The following ATAD5 variants were observed in gnomAD, a reference collection of about 807,000 sequenced individuals.
The protein encoded by ATAD5 is ATPase family AAA domain-containing protein 5.
In ATAD5, 58 loss-of-function variants were observed where a neutral mutation model predicts 176.9. The ratio of observed to expected loss-of-function variants is 0.33; its 90% CI spans 0.27 to 0.41. The LOEUF (loss-of-function observed/expected upper bound fraction) is 0.41, where lower values mean the gene tolerates loss of function less well. Among genes scored for constraint, ATAD5 ranks in the 10% least tolerant of loss-of-function variants. The pLI is 1.00. For synonymous variants in ATAD5, 640 were observed against 712.6 expected, an observed-to-expected ratio of 0.90 and a Z score of 1.62; for missense variants, 1,789 against 2,094.1, an observed-to-expected ratio of 0.85 and a Z score of 2.84.
At chr17:30,878,790 G>A (rs970465207) in intron 17 of ATAD5, among the ~76,000 whole-genome samples, 2 of 128,226 alleles carry the variant, frequency 1.6e-5, no homozygotes, top group Non-Finnish European at 3.1e-5. Context: ...GGAGTGCAAT[G>A]GTACCATCTT....
intron 14 of ATAD5, among the ~76,000 whole-genome samples, chr17:30,873,014 A>T (rs1007710843): frequency 2.0e-5 from 3 of 150,990 alleles, no homozygotes; most frequent in African/African-American, 7.3e-5. Flanking sequence ...GCATCATGAC[A>T]AAAGTCTTGA....
intron 9 of ATAD5, 24 bp downstream of exon 9, chr17:30,858,347 AT>A (rs1270812915): frequency 7.2e-7 from 1 of 1,383,566 alleles, no homozygotes; most frequent in Non-Finnish European, 9.5e-7. Flanking sequence ...ATTATCATTT[AT>A]GTTAACATAC....
At chr17:30,874,548 CA>C (rs1298663817) in intron 14 of ATAD5, among the ~76,000 whole-genome samples, 1,061 of 70,184 alleles carry the variant, frequency 0.015, 19 homozygotes, top group African/African-American at 0.05. Context: ...TCAAAAGAAA[CA>C]AAAAAAAAAA....
chr17:30,850,478 A>C (rs985059922), intron 6 of ATAD5, among the ~76,000 whole-genome samples: 1 of 151,094 alleles, frequency 6.6e-6, no homozygotes, highest in Non-Finnish European at 1.5e-5. Context: ...CTGCCATCTC[A>C]GCCCCTCAAA....
chr17:30,894,289 G>A (rs1909800392), intron 21 of ATAD5, 139 bp downstream of exon 21: 2 of 808,168 alleles, frequency 2.5e-6, no homozygotes, highest in Non-Finnish European at 3.7e-6. Flanking sequence ...CTTCTAATGA[G>A]ATAGCTAAAG....
chr17:30,837,117 C>T, intron 2 of ATAD5, 89 bp from the exon 3 acceptor site: 2 of 737,852 alleles, frequency 2.7e-6, no homozygotes, highest in Non-Finnish European at 2.1e-6. Context: ...GATGCCACTG[C>T]ACCAGCTCTA....
At position 30,834,815 on chromosome 17, in the gene ATAD5, A is replaced by G. The variant is rs1166350350; in HGVS notation, c.734A>G (p.His245Arg). ...DTKQMENTTS[H>R]ANSRDNVTEA... ...AAACAGATGGAGAATACTACAAGCC[A>G]TGCAAACTCTAGAGATAACGTAACT... The change falls in exon 2 of 23, where the codon CAT becomes CGT. Residue 245 changes from histidine to arginine, a missense_variant. His to Arg is a conservative substitution (Grantham distance 29). Around this residue, in one of 6 missense-constraint regions of ATAD5, gnomAD observed 696 missense variants for 712.5 expected, o/e 0.98. Transcript: ENST00000321990. 1.2e-6 allele frequency: 2 copies of G among 1,614,028 alleles called. No individual in the cohort carries two copies. Among genetic ancestry groups the G allele is most frequent in the Admixed American group, 1.7e-5 (1 of 60,004 alleles).
intron 18 of ATAD5, among the ~76,000 whole-genome samples, chr17:30,885,306 A>G (rs978540350): frequency 6.6e-6 from 1 of 152,178 alleles, no homozygotes; most frequent in African/African-American, 2.4e-5. Context: ...TTGGCCTCCC[A>G]AAGTGCTGGG....
At chr17:30,870,217 C>G (rs567696192) in intron 14 of ATAD5, among the ~76,000 whole-genome samples, 2 of 152,340 alleles carry the variant, frequency 1.3e-5, no homozygotes, top group South Asian at 4.1e-4. Flanking sequence ...TGGATCCAAA[C>G]AAGGTTCATA....
chr17:30,891,679 ACT>A, intron 19 of ATAD5, among the ~76,000 whole-genome samples: 1 of 145,014 alleles, frequency 6.9e-6, no homozygotes, highest in East Asian at 2.1e-4. Context: ...GGCTGAAATT[ACT>A]GTTTCTTTTT....
Position 30,843,929 on chromosome 17 carries a change from T to A in ATAD5, c.2258T>A (p.Ile753Lys). The change falls in exon 5 of 23, where the codon ATA (isoleucine) becomes AAA (lysine). Residue 753 changes from isoleucine (I) to lysine (K), a missense_variant. Transcript: ENST00000321990. Reference sequence around the variant, plus strand: ...TTGTCTTAGGATTCTGTTATAATAATAGATTCAAGTCCTACTGCTTTAAAG... The same window carrying A: ...TTGTCTTAGGATTCTGTTATAATAAAAGATTCAAGTCCTACTGCTTTAAAG... ...LSETEDSVII[I>K]DSSPTALKHP... 7.1e-7 allele frequency: 1 copy of A among 1,418,418 alleles called. No individual in the cohort carries two copies. The highest frequency in any genetic ancestry group is 9.6e-7 in the Non-Finnish European group (1 of 1,044,696). The allele number at this position is 1,418,418 out of a possible 1,614,324, so 87.9% of individuals were successfully genotyped here.
intron 7 of ATAD5, 31 bp from the exon 8 acceptor site, chr17:30,856,924 T>C: frequency 6.5e-7 from 1 of 1,534,198 alleles, no homozygotes; most frequent in Non-Finnish European, 8.7e-7. Context: ...ATAAATAAGG[T>C]TTATTAAGAT....
Position 30,892,842 on chromosome 17 carries a change from C to T in ATAD5, c.4440+54C>T, listed in dbSNP as rs182500196. The T allele has an allele frequency of 6.7e-4, 894 of 1,331,204 alleles. 5 individuals carry two copies. The African/African-American group carries it at 0.012, about 18-fold the overall frequency. 82.5% of individuals were successfully genotyped at this position (1,331,204 alleles called of 1,614,324 possible). Reference sequence around the variant, plus strand: ...GAATTTATATTCCTTTTCATATTCCCAACATTAGCCTCCTATCTTTTGAAT... The same window carrying T: ...GAATTTATATTCCTTTTCATATTCCTAACATTAGCCTCCTATCTTTTGAAT... On this transcript the variant is annotated intron_variant, in intron 20 of 22. Transcript: ENST00000321990.
intron 7 of ATAD5, among the ~76,000 whole-genome samples, chr17:30,856,183 C>T (rs1325742311): frequency 1.3e-5 from 2 of 152,144 alleles, no homozygotes; most frequent in African/African-American, 4.8e-5. Context: ...CTCTTACAAC[C>T]TTCAGAATTA....
In ATAD5 at chr17:30,893,783, C is replaced by T. The variant is rs1416666680; in HGVS notation, c.4930C>T (p.His1644Tyr). The change falls in exon 21 of 23, where the codon CAT becomes TAT. Residue 1644 changes from histidine (H) to tyrosine (Y), a missense_variant. This residue lies in a region of ATAD5 where 403 missense variants were observed against 495.1 expected (regional missense o/e 0.81). Transcript: ENST00000321990. ...AGKKCSALVS[H>Y]CLNSLSEFMD... ...AAAAAAATGTTCTGCCCTTGTTTCT[C>T]ATTGTTTAAATTCTCTCTCTGAGTT... 1 of 1,614,074 alleles carries T rather than the reference C, an allele frequency of 6.2e-7. No homozygotes were observed. Among genetic ancestry groups the T allele is most frequent in the Non-Finnish European group, 8.5e-7 (1 of 1,179,944 alleles).
intron 15 of ATAD5, 77 bp downstream of exon 15, chr17:30,876,627 C>T (rs577175324): frequency 1.7e-4 from 127 of 768,858 alleles, no homozygotes; most frequent in Middle Eastern, 8.4e-4. Flanking sequence ...GCACATTTTA[C>T]GAGTTCCTGT....
intron 6 of ATAD5, among the ~76,000 whole-genome samples, chr17:30,847,456 G>A (rs943449136): frequency 6.6e-6 from 1 of 151,496 alleles, no homozygotes; most frequent in Non-Finnish European, 1.5e-5. Flanking sequence ...TCAGACTCCC[G>A]AGTAGCTGGG....
chr17:30,862,348 A>AT (rs1567689091), intron 10 of ATAD5, among the ~76,000 whole-genome samples: 1 of 151,992 alleles, frequency 6.6e-6, no homozygotes, highest in East Asian at 1.9e-4. Context: ...GCAAAAAAAA[A>AT]GGTAACAAAG....
intron 18 of ATAD5, among the ~76,000 whole-genome samples, chr17:30,883,273 TG>T (rs1909130686): frequency 6.6e-6 from 1 of 151,940 alleles, no homozygotes; most frequent in African/African-American, 2.4e-5. Flanking sequence ...CATAGGCATG[TG>T]CCACCACGCC....
Sources: allele counts gnomAD v4.1 joint callset (sites outside exome capture counted in the v4.1 genomes callset), GRCh38; gene constraint gnomAD v4.1.1; regional missense constraint gnomAD v4.1.1; transcripts MANE v1.5; gene names NCBI Gene and HGNC (gene_info 2026-07-23, HGNC 2026-07-21).